SOX5: variants seen among roughly 807,000 people sequenced by gnomAD.
SOX5 encodes the protein transcription factor SOX-5.
SOX5 carries 9 observed loss-of-function variants against 92.0 expected under a neutral mutation model. The ratio of observed to expected loss-of-function variants is 0.10; its 90% confidence interval spans 0.06 to 0.17. The LOEUF (loss-of-function observed/expected upper bound fraction) is 0.17. Ranked by LOEUF, SOX5 falls within the 10% of genes least tolerant of loss-of-function variation. SOX5 has a pLI of 1.00. For missense variants in SOX5, 642 were observed against 944.5 expected (o/e 0.68, Z 4.20); for synonymous variants, 344 against 336.3 (o/e 1.02, Z -0.25).
Position 24,438,290 on chromosome 12 carries a change from G to A in SOX5, c.-250-69651C>T, listed in dbSNP as rs1233459989. Among the ~76,000 whole-genome samples the A allele has an allele frequency of 2.6e-5, 4 of 152,116 alleles. No homozygotes were observed. The South Asian group carries it at 8.3e-4, about 32-fold the overall frequency. ...CATACCAGGGCCTGTCAGGGTTGGGGTGCCAAGGGAGGGATAGCGTTAGGA... is the reference window on the plus strand; with the variant it reads ...CATACCAGGGCCTGTCAGGGTTGGGATGCCAAGGGAGGGATAGCGTTAGGA... On this transcript the variant is annotated intron_variant, in intron 1 of 4. Transcript: ENST00000446891.
chr12:23,703,268 T>C (rs555190261), intron 6 of SOX5, among the ~76,000 whole-genome samples: 1 of 152,176 alleles, frequency 6.6e-6, no homozygotes, highest in East Asian at 1.9e-4. Context: ...CTGCCAGCAC[T>C]GACAATATGG....
In SOX5 at chr12:24,308,200, C is replaced by T. The variant is rs557257334; in HGVS notation, c.-173-30888G>A. ...ATGCCTCAAGTGAGCATGCGTAGAA[C>T]TCCAGTGAACACACTGCTCCCCTCC... On this transcript the variant is annotated intron_variant, in intron 2 of 4. Transcript: ENST00000446891. Among the ~76,000 whole-genome samples the T allele has an allele frequency of 2.6e-5, 4 of 152,242 alleles. No individual in the cohort carries two copies. In the South Asian group the frequency reaches 8.3e-4, roughly 32 times the overall value.
intron 1 of SOX5, 138 bp downstream of exon 1, chr12:23,949,426 C>T: frequency 9.8e-7 from 1 of 1,023,168 alleles, no homozygotes; most frequent in Non-Finnish European, 1.5e-6. Context: ...AAAAAATCAG[C>T]TAACAAGATT....
intron 3 of SOX5, among the ~76,000 whole-genome samples, chr12:23,798,474 A>G (rs577135205): frequency 6.6e-6 from 1 of 152,088 alleles, no homozygotes; most frequent in East Asian, 1.9e-4. Context: ...CTCACTGCAT[A>G]TAACTTTATA....
chr12:23,762,686 A>C (rs1299283401), intron 3 of SOX5: 2 of 461,256 alleles, frequency 4.3e-6, no homozygotes, highest in Non-Finnish European at 7.7e-6. Flanking sequence ...AATGTAATGT[A>C]ATACTTAAAT....
chr12:24,240,423 C>A (rs1965349439), intron 3 of SOX5, among the ~76,000 whole-genome samples: 1 of 152,152 alleles, frequency 6.6e-6, no homozygotes, highest in Admixed American at 6.6e-5. Flanking sequence ...AACTACTTTT[C>A]CGTACAAAGA....
intron 4 of SOX5, among the ~76,000 whole-genome samples, chr12:24,051,293 GA>G (rs1957541293): frequency 6.6e-6 from 1 of 151,954 alleles, no homozygotes; most frequent in Admixed American, 6.6e-5. Context: ...ACAATGATGG[GA>G]AGACTCAAAT....
At chr12:24,278,227 C>T (rs749447771) in intron 2 of SOX5, among the ~76,000 whole-genome samples, 3 of 152,118 alleles carry the variant, frequency 2.0e-5, no homozygotes. Flanking sequence ...AGTTTTATTA[C>T]CATACTATAT....
At chr12:24,114,431 G>A (rs991738755) in intron 4 of SOX5, among the ~76,000 whole-genome samples, 1 of 151,408 alleles carries the variant, frequency 6.6e-6, no homozygotes, top group African/African-American at 2.4e-5. Flanking sequence ...ACAAAAATTA[G>A]CTGAGTGTGA....
At chr12:24,009,187 A>G (rs1043740922) in intron 4 of SOX5, among the ~76,000 whole-genome samples, 2 of 152,156 alleles carry the variant, frequency 1.3e-5, no homozygotes, top group African/African-American at 4.8e-5. Context: ...GACTACAACT[A>G]CATAAGAGAT....
chr12:24,323,055 C>A (rs1305032723), intron 2 of SOX5, among the ~76,000 whole-genome samples: 1 of 151,758 alleles, frequency 6.6e-6, no homozygotes, highest in African/African-American at 2.4e-5. Context: ...GGTCTCTGGT[C>A]CAGCAGCATC....
At chr12:24,031,271 A>T (rs1383689941) in intron 4 of SOX5, among the ~76,000 whole-genome samples, 2 of 151,954 alleles carry the variant, frequency 1.3e-5, no homozygotes, top group African/African-American at 4.8e-5. Context: ...TTACTGTAGC[A>T]TTATTCACAA....
At chr12:23,897,580 T>G (rs1414984479) in intron 1 of SOX5, among the ~76,000 whole-genome samples, 1 of 152,128 alleles carries the variant, frequency 6.6e-6, no homozygotes, top group Non-Finnish European at 1.5e-5. Flanking sequence ...ATAGCCCGTG[T>G]TTATTTAACA....
At chr12:24,541,815 C>A (rs899607146) in intron 1 of SOX5, among the ~76,000 whole-genome samples, 6 of 152,130 alleles carry the variant, frequency 3.9e-5, no homozygotes, top group Admixed American at 1.3e-4. Flanking sequence ...ATAGAAAATT[C>A]TGTTCCAGGT....
At chr12:23,744,697 C>T (rs2093921494) in intron 4 of SOX5, among the ~76,000 whole-genome samples, 1 of 152,046 alleles carries the variant, frequency 6.6e-6, no homozygotes. Flanking sequence ...TCAAAGGTAA[C>T]CACTATTATT....
At chr12:23,640,348 C>T (rs1014747375) in intron 8 of SOX5, among the ~76,000 whole-genome samples, 2 of 152,118 alleles carry the variant, frequency 1.3e-5, no homozygotes, top group African/African-American at 4.8e-5. Flanking sequence ...TCTACTTTTC[C>T]TTGCTTGCCC....
chr12:24,096,072 T>C (rs1945373330), intron 4 of SOX5, among the ~76,000 whole-genome samples: 1 of 152,186 alleles, frequency 6.6e-6, no homozygotes. Context: ...TCATTTTTAC[T>C]ATTAACTTTT....
intron 4 of SOX5, among the ~76,000 whole-genome samples, chr12:24,200,082 C>T (rs1395040638): frequency 6.6e-6 from 1 of 152,130 alleles, no homozygotes; most frequent in South Asian, 2.1e-4. Context: ...TCAAAAGACC[C>T]ACAACACTTC....
chr12:23,843,833 G>A (rs2096545933), intron 3 of SOX5, among the ~76,000 whole-genome samples: 1 of 151,804 alleles, frequency 6.6e-6, no homozygotes, highest in African/African-American at 2.4e-5. Context: ...CAAAGTGCTG[G>A]GATTATAGGC....
Sources: gnomAD v4.1 joint callset for allele counts (sites outside exome capture counted in the v4.1 genomes callset) on GRCh38, gnomAD v4.1.1 for gene constraint, MANE v1.5 for transcripts, NCBI Gene and HGNC (gene_info 2026-07-23, HGNC 2026-07-21) for gene names.